Variants in SYT1 observed in about 807,000 individuals in gnomAD.
The protein encoded by SYT1 is synaptotagmin 1.
A neutral mutation model predicts 44.8 loss-of-function variants in SYT1; 8 were observed. That is an observed-to-expected ratio of 0.18 (90% CI 0.10 to 0.32). SYT1 has a LOEUF of 0.32. Ranked by LOEUF, SYT1 falls within the 10% of genes least tolerant of loss-of-function variation. SYT1 has a pLI of 1.00. For synonymous variants in SYT1, 154 were observed against 188.8 expected (o/e 0.82, Z 1.51); for missense variants, 286 against 509.3 (o/e 0.56, Z 4.22).
intron 1 of SYT1, among the ~76,000 whole-genome samples, chr12:78,872,810 T>C (rs1429437077): frequency 6.6e-6 from 1 of 151,794 alleles, no homozygotes; most frequent in East Asian, 1.9e-4. Flanking sequence ...AAAATATATG[T>C]ATAGATAAAT....
Position 79,139,791 on chromosome 12 carries a change from C to T in SYT1, c.-17-77712C>T, listed in dbSNP as rs79715108. The stretch of plus-strand genomic sequence containing the variant: ...TTTACCCCAAGAGAAAGAATTGTCA[C>T]CACTGGATAACCCAGTGAGCAGAAT... On this transcript the variant is annotated intron_variant, in intron 3 of 10. Transcript: ENST00000261205. 2.3e-3 allele frequency among the ~76,000 whole-genome samples: 347 copies of T among 152,306 alleles called. 3 individuals are homozygous for T. The highest frequency in any genetic ancestry group is 7.7e-3 in the African/African-American group (318 of 41,556).
intron 1 of SYT1, among the ~76,000 whole-genome samples, chr12:78,908,376 C>T (rs1876116899): frequency 6.7e-6 from 1 of 148,790 alleles, no homozygotes; most frequent in Non-Finnish European, 1.5e-5. Context: ...ATCAGTTTTT[C>T]TTTTTTTTTT....
intron 9 of SYT1, among the ~76,000 whole-genome samples, chr12:79,383,639 C>T (rs1417609622): frequency 6.6e-6 from 1 of 152,140 alleles, no homozygotes; most frequent in Non-Finnish European, 1.5e-5. Flanking sequence ...ACAAAACACA[C>T]AGTGGAAGAT....
In SYT1 at chr12:78,973,936, AAAATATATATATATATATAT is replaced by A. The variant is rs1273388856; in HGVS notation, c.-216-3861_-216-3842del. 1.7e-3 allele frequency among the ~76,000 whole-genome samples: 42 copies of A among 25,302 alleles called. 1 individual carries two copies. Among genetic ancestry groups the A allele is most frequent in the Non-Finnish European group, 2.5e-3 (38 of 15,148 alleles). 16.6% of individuals were successfully genotyped at this position (25,302 alleles called of 152,430 possible). A position where few individuals can be genotyped will look rare whatever the true frequency, so the allele number is the denominator to read the frequency against. On this transcript the variant is annotated intron_variant, in intron 1 of 10. Transcript: ENST00000261205. ...AACACCAAAAAAAAAAAAAAAAAAA[AAAATATATATATATATATAT>A]ATATATATATATATATATATATATA...
At chr12:79,268,664 CTT>C (rs1269536088) in intron 4 of SYT1, among the ~76,000 whole-genome samples, 1 of 152,170 alleles carries the variant, frequency 6.6e-6, no homozygotes, top group Non-Finnish European at 1.5e-5. Flanking sequence ...CCAGTTTCCT[CTT>C]TGTCAGGAAC....
chr12:79,434,423 T>C (rs1209683870), intron 9 of SYT1, among the ~76,000 whole-genome samples: 1 of 152,248 alleles, frequency 6.6e-6, no homozygotes, highest in Non-Finnish European at 1.5e-5. Context: ...TGTAGTCTTC[T>C]CTAAGTACTT....
intron 3 of SYT1, among the ~76,000 whole-genome samples, chr12:79,196,318 C>T (rs1873457100): frequency 6.6e-6 from 1 of 152,046 alleles, no homozygotes; most frequent in African/African-American, 2.4e-5. Flanking sequence ...CAGGCACCTG[C>T]CACCATGCCC....
At chr12:79,258,110 A>C (rs1274131662) in intron 4 of SYT1, among the ~76,000 whole-genome samples, 1 of 52,978 alleles carries the variant, frequency 1.9e-5, no homozygotes, top group African/African-American at 2.6e-4. Flanking sequence ...TATGACAATA[A>C]ACAAGAATAT....
chr12:79,001,010 A>C (rs1009144837), intron 2 of SYT1, among the ~76,000 whole-genome samples: 13 of 152,216 alleles, frequency 8.5e-5, no homozygotes, highest in African/African-American at 3.1e-4. Flanking sequence ...CCTTTCCAAG[A>C]ATTCTGAAAG....
At chr12:79,016,765 T>C (rs1046952116) in intron 2 of SYT1, among the ~76,000 whole-genome samples, 1 of 152,160 alleles carries the variant, frequency 6.6e-6, no homozygotes, top group Non-Finnish European at 1.5e-5. Flanking sequence ...AGGATTTAAA[T>C]ATCTGCATTT....
intron 1 of SYT1, among the ~76,000 whole-genome samples, chr12:78,885,499 T>C (rs1283711858): frequency 2.0e-5 from 3 of 151,686 alleles, no homozygotes; most frequent in South Asian, 4.2e-4. Flanking sequence ...GAGTGCCAAG[T>C]TGGGAATATG....
intron 3 of SYT1, among the ~76,000 whole-genome samples, chr12:79,101,508 A>G (rs982311404): frequency 6.6e-6 from 1 of 152,210 alleles, no homozygotes; most frequent in Non-Finnish European, 1.5e-5. Context: ...GTTTTAGAGA[A>G]GGTGAAAAGT....
At chr12:79,447,221 CCTT>C (rs1156963694) in intron 10 of SYT1, among the ~76,000 whole-genome samples, 3 of 150,152 alleles carry the variant, frequency 2.0e-5, no homozygotes, top group African/African-American at 7.3e-5. Flanking sequence ...TTTTTTTTTT[CCTT>C]TTTTTATAGG....
At chr12:79,184,187 G>A (rs1872687390) in intron 3 of SYT1, among the ~76,000 whole-genome samples, 1 of 151,852 alleles carries the variant, frequency 6.6e-6, no homozygotes, top group African/African-American at 2.4e-5. Flanking sequence ...TTCACGTGAT[G>A]GAAAACTCAC....
chr12:79,286,550 C>T (rs2138832311), intron 5 of SYT1, among the ~76,000 whole-genome samples: 1 of 152,228 alleles, frequency 6.6e-6, no homozygotes, highest in East Asian at 1.9e-4. Context: ...AAAAAGTTTT[C>T]TTTCTTATTT....
chr12:79,101,604 A>T (rs911693902), intron 3 of SYT1, among the ~76,000 whole-genome samples: 5 of 152,144 alleles, frequency 3.3e-5, no homozygotes, highest in Non-Finnish European at 7.4e-5. Flanking sequence ...TAAAATAGTC[A>T]AGTTTGTGTT....
intron 3 of SYT1, among the ~76,000 whole-genome samples, chr12:79,131,697 TA>T (rs1868833421): frequency 6.6e-6 from 1 of 152,190 alleles, no homozygotes. Context: ...TCACTGACAT[TA>T]AAAATGCAAA....
chr12:79,256,050 A>T (rs1038811604), intron 4 of SYT1, among the ~76,000 whole-genome samples: 1 of 152,234 alleles, frequency 6.6e-6, no homozygotes, highest in African/African-American at 2.4e-5. Context: ...ATAGTGGCTT[A>T]CGTGTTCTAA....
At chr12:79,048,009 A>G (rs908119903) in intron 3 of SYT1, among the ~76,000 whole-genome samples, 1 of 151,890 alleles carries the variant, frequency 6.6e-6, no homozygotes, top group African/African-American at 2.4e-5. Flanking sequence ...AATTTTCAAG[A>G]TGCAGGCAAT....
Sources: gnomAD v4.1 joint callset for allele counts (sites outside exome capture counted in the v4.1 genomes callset) on GRCh38, gnomAD v4.1.1 for gene constraint, MANE v1.5 for transcripts, NCBI Gene and HGNC (gene_info 2026-07-23, HGNC 2026-07-21) for gene names.